Variants in SLC25A3 observed in about 807,000 individuals in gnomAD.
SLC25A3 encodes the protein solute carrier family 25 member 3.
A neutral mutation model predicts 37.1 loss-of-function variants in SLC25A3; 14 were observed. That is an observed-to-expected ratio of 0.38 (90% CI 0.25 to 0.59). SLC25A3 has a LOEUF of 0.59. SLC25A3 is among the 20% of genes least tolerant of loss of function. The pLI is 0.67. For synonymous variants in SLC25A3, 161 were observed against 168.7 expected (o/e 0.95, Z 0.36); for missense variants, 385 against 458.1 (o/e 0.84, Z 1.46).
In SLC25A3 at chr12:98,601,585, C is replaced by T; in HGVS notation, c.*57C>T. On this transcript the variant is annotated 3_prime_UTR_variant, in exon 8 of 8. Coordinates refer to ENST00000552981, the MANE Select transcript of SLC25A3 (RefSeq NM_002635.4). ...TTGTTGATCAGTGTTGAAGAAAGTG[C>T]AAAAGGAACTTTTATATATTTGACA... is the stretch of plus-strand genomic sequence containing the variant. 1 of 1,141,838 alleles carries T rather than the reference C, an allele frequency of 8.8e-7. No individual in the cohort carries two copies. The highest frequency in any genetic ancestry group is 2.3e-5 in the East Asian group (1 of 42,660). 70.7% of individuals were successfully genotyped at this position (1,141,838 alleles called of 1,614,324 possible).
chr12:98,600,420 GT>G (rs113881450), intron 6 of SLC25A3, among the ~76,000 whole-genome samples: 3 of 148,232 alleles, frequency 2.0e-5, no homozygotes, highest in Admixed American at 6.7e-5. Context: ...TTTGTTTTTT[GT>G]TTTTTTTTGA....
chr12:98,601,297 T>C lies in SLC25A3; in HGVS notation c.925+16T>C, dbSNP rs774025735. 7 of 1,614,094 alleles carry C rather than the reference T, an allele frequency of 4.3e-6. No individual in the cohort carries two copies. The African/African-American group carries it at 9.3e-5, about 22-fold the overall frequency. On this transcript the variant is annotated intron_variant, in intron 7 of 7. Transcript: ENST00000552981. Reference sequence around the variant, plus strand: ...GGATTTAAAGGTAGGATGATGTTTTTTTCTTGAAAGAAAGAACAACAGTTT... The same window carrying C: ...GGATTTAAAGGTAGGATGATGTTTTCTTCTTGAAAGAAAGAACAACAGTTT...
chr12:98,594,357 T>C (rs1177986941), intron 2 of SLC25A3: 1 of 702,586 alleles, frequency 1.4e-6, no homozygotes. Context: ...AGGCCCTGTG[T>C]CCCTTCGTGA....
At position 98,605,646 on chromosome 12, in the gene SLC25A3, C is replaced by A. The variant is rs934211050; in HGVS notation, c.*4118C>A. 1 of 151,784 alleles carries A rather than the reference C, an allele frequency of 6.6e-6. No homozygotes were observed. The highest frequency in any genetic ancestry group is 2.4e-5 in the African/African-American group (1 of 41,280). 9.4% of individuals were successfully genotyped at this position (151,784 alleles called of 1,614,324 possible). Reference sequence around the variant, plus strand: ...CAGCCTGGCCAACATGATGAAACCCCAGGTCTCTACTAAAAATACAAAAAT... The same window carrying A: ...CAGCCTGGCCAACATGATGAAACCCAAGGTCTCTACTAAAAATACAAAAAT... On this transcript the variant is annotated 3_prime_UTR_variant, in exon 8 of 8. Coordinates refer to ENST00000552981, the MANE Select transcript of SLC25A3 (RefSeq NM_002635.4).
chr12:98,598,668 A>G lies in SLC25A3; in HGVS notation c.606A>G (p.Ala202=), dbSNP rs769461053. 6.2e-6 allele frequency: 10 copies of G among 1,613,994 alleles called. No individual in the cohort carries two copies. The highest frequency in any genetic ancestry group is 3.3e-5 in the South Asian group (3 of 91,090). Residue 202 remains alanine (A), a synonymous_variant, in exon 5 of 8, where the codon GCA becomes GCG. Coordinates refer to ENST00000552981, the MANE Select transcript of SLC25A3 (RefSeq NM_002635.4). ...QPGYANTLRD[A]APKMYKEEGL... is the part of the protein sequence containing the mutation. ...GTTATGCCAACACTTTGAGGGATGC[A>G]GCTCCCAAAATGTATAAGGAAGAAG...
At chr12:98,598,837 G>A (rs1432774619) in intron 5 of SLC25A3, 134 bp downstream of exon 5, 93 of 796,204 alleles carry the variant, frequency 1.2e-4, no homozygotes, top group Non-Finnish European at 1.7e-4. Flanking sequence ...GTGCAGTGGC[G>A]TGATCTCGGC....
intron 5 of SLC25A3, 147 bp from the exon 6 acceptor site, chr12:98,599,808 C>G (rs760368826): frequency 1.1e-6 from 1 of 885,392 alleles, no homozygotes; most frequent in Non-Finnish European, 1.9e-6. Flanking sequence ...GCATGTTAGT[C>G]TAACGTTCTG....
Position 98,604,395 on chromosome 12 carries a change from T to C in SLC25A3, c.*2867T>C, listed in dbSNP as rs1447441538. On this transcript the variant is annotated 3_prime_UTR_variant, in exon 8 of 8. Coordinates refer to ENST00000552981, the MANE Select transcript of SLC25A3 (RefSeq NM_002635.4). ...TGGTTAAAACGCCAAGGAATCCTGATTTTATGAAATTATGCCTTCTGATAG... is the reference window on the plus strand; with the variant it reads ...TGGTTAAAACGCCAAGGAATCCTGACTTTATGAAATTATGCCTTCTGATAG... 1 of 151,868 alleles carries C rather than the reference T, an allele frequency of 6.6e-6. No homozygotes were observed. The highest frequency in any genetic ancestry group is 2.1e-4 in the South Asian group (1 of 4,824). 9.4% of individuals were successfully genotyped at this position (151,868 alleles called of 1,614,324 possible). A position where few individuals can be genotyped will look rare whatever the true frequency, so the allele number is the denominator to read the frequency against.
chr12:98,596,300 T>C (rs1565829626), intron 3 of SLC25A3, among the ~76,000 whole-genome samples: 1 of 152,236 alleles, frequency 6.6e-6, no homozygotes, highest in Non-Finnish European at 1.5e-5. Flanking sequence ...TAGCCTCTTG[T>C]TTATTTACAC....
At chr12:98,595,877 T>C in intron 3 of SLC25A3, 29 bp downstream of exon 3, 11 of 1,587,108 alleles carry the variant, frequency 6.9e-6, no homozygotes, top group Non-Finnish European at 9.5e-6. Flanking sequence ...ACATTGAAAG[T>C]ATCTCTCATG....
In SLC25A3 at chr12:98,598,526, A is replaced by G; in HGVS notation, c.464A>G (p.Asn155Ser). ...VLYSNMLGEE[N>S]TYLWRTSLYL... Reference sequence around the variant, plus strand: ...TCCTTGTGTTTTGGATTTTAGGAGAATACTTATCTCTGGCGCACATCACTA... The same window carrying G: ...TCCTTGTGTTTTGGATTTTAGGAGAGTACTTATCTCTGGCGCACATCACTA... Residue 155 changes from asparagine (N) to serine (S), a missense_variant, in exon 5 of 8, where the codon AAT becomes AGT. Asn to Ser is a conservative substitution (Grantham distance 46). Transcript: ENST00000552981. The G allele has an allele frequency of 2.5e-6, 4 of 1,612,472 alleles. No homozygotes were observed. Among genetic ancestry groups the G allele is most frequent in the Non-Finnish European group, 3.4e-6 (4 of 1,179,930 alleles).
At chr12:98,599,305 G>A (rs1041347659) in intron 5 of SLC25A3, among the ~76,000 whole-genome samples, 13 of 152,166 alleles carry the variant, frequency 8.5e-5, no homozygotes, top group South Asian at 4.1e-4. Flanking sequence ...CACCCGCCTC[G>A]GCCTCCCAAA....
chr12:98,599,590 T>C (rs1592978804), intron 5 of SLC25A3: 2 of 501,180 alleles, frequency 4.0e-6, no homozygotes, highest in Admixed American at 4.3e-5. Context: ...GAGGGCTTGT[T>C]AGTATCCTTG....
At chr12:98,600,682 G>A (rs573009065) in intron 6 of SLC25A3, among the ~76,000 whole-genome samples, 4 of 152,188 alleles carry the variant, frequency 2.6e-5, no homozygotes, top group Non-Finnish European at 5.9e-5. Flanking sequence ...AAAGTGCTGG[G>A]ATTACAGGCG....
Position 98,595,200 on chromosome 12 carries a change from TA to T in SLC25A3, c.158-520del, listed in dbSNP as rs201393097. Reference sequence around the variant, plus strand: ...AAAAGCCGTTAATGTAGAAAACTTTTAAAAAAATTAATATGGCAGAATACGA... The same window carrying T: ...AAAAGCCGTTAATGTAGAAAACTTTTAAAAAATTAATATGGCAGAATACGA... On this transcript the variant is annotated intron_variant, in intron 2 of 7. Coordinates refer to ENST00000552981, the MANE Select transcript of SLC25A3 (RefSeq NM_002635.4). 59 of 539,842 alleles carry T rather than the reference TA, an allele frequency of 1.1e-4. No individual in the cohort carries two copies. The East Asian group carries it at 1.4e-3, about 13-fold the overall frequency. The allele number at this position is 539,842 out of a possible 1,614,324, so 33.4% of individuals were successfully genotyped here.
chr12:98,597,877 G>A lies in SLC25A3; in HGVS notation c.301G>A (p.Gly101Ser). The A allele has an allele frequency of 6.2e-7, 1 of 1,613,860 alleles. No individual in the cohort carries two copies. The highest frequency in any genetic ancestry group is 8.5e-7 in the Non-Finnish European group (1 of 1,179,872). ...RMQVDPQKYK[G>S]IFNGFSVTLK... ...AAAGGTGGACCCCCAAAAGTACAAG[G>A]GCATATTTAACGGATTCTCAGTTAC... Residue 101 changes from glycine to serine, a missense_variant, in exon 4 of 8, where the codon GGC becomes AGC. Around this residue, in one of 2 missense-constraint regions of SLC25A3, gnomAD observed 276 missense variants for 367.6 expected, o/e 0.75. Transcript: ENST00000552981.
At position 98,604,752 on chromosome 12, in the gene SLC25A3, G is replaced by A. The variant is rs545584176; in HGVS notation, c.*3224G>A. 6.6e-6 allele frequency: 1 copy of A among 152,266 alleles called. No individual in the cohort carries two copies. The highest frequency in any genetic ancestry group is 1.9e-4 in the East Asian group (1 of 5,160). 9.4% of individuals were successfully genotyped at this position (152,266 alleles called of 1,614,324 possible). On this transcript the variant is annotated 3_prime_UTR_variant, in exon 8 of 8. Coordinates refer to ENST00000552981, the MANE Select transcript of SLC25A3 (RefSeq NM_002635.4). ...GGCCAGGGTTACAGGTAGCCGCCTT[G>A]TCTGTCCCGTTTCGACCATATTTTA...
intron 2 of SLC25A3, 55 bp downstream of exon 2, chr12:98,594,190 C>A: frequency 7.0e-7 from 1 of 1,421,124 alleles, no homozygotes; most frequent in Non-Finnish European, 9.8e-7. Context: ...GGCCGCCCAG[C>A]CTTTGAGGCC....
chr12:98,597,588 C>CA lies in SLC25A3; in HGVS notation c.280-266dup, dbSNP rs1416732109. ...ACAGGTGCACGCCACCATGCCCGTC[C>CA]AATTTTTTGTATTTTAGTAGAGATG... On this transcript the variant is annotated intron_variant, in intron 3 of 7. Transcript: ENST00000552981. The CA allele has an allele frequency of 1.0e-5, 4 of 396,194 alleles. No individual in the cohort carries two copies. The East Asian group carries it at 2.4e-4, about 24-fold the overall frequency. The allele number at this position is 396,194 out of a possible 1,614,324, so 24.5% of individuals were successfully genotyped here.
Sources: allele counts gnomAD v4.1 joint callset (sites outside exome capture counted in the v4.1 genomes callset), GRCh38; gene constraint gnomAD v4.1.1; regional missense constraint gnomAD v4.1.1; transcripts MANE v1.5; gene names NCBI Gene and HGNC (gene_info 2026-07-23, HGNC 2026-07-21).